NDUFA9: variants seen among roughly 807,000 people sequenced by gnomAD.
NDUFA9 encodes NADH:ubiquinone oxidoreductase subunit A9.
A neutral mutation model predicts 45.9 loss-of-function variants in NDUFA9; 23 were observed. The observed-to-expected ratio is 0.50, with a 90% confidence interval of 0.36 to 0.71. The LOEUF is 0.71. Among genes scored for constraint, NDUFA9 ranks in the 30% least tolerant of loss-of-function variants. NDUFA9 has a pLI of 0.00. For synonymous variants in NDUFA9, 176 were observed against 170.5 expected (o/e 1.03, Z -0.25); for missense variants, 466 against 488.2 (o/e 0.95, Z 0.43).
At chr12:4,658,864 A>G (rs1278254014) in intron 4 of NDUFA9, among the ~76,000 whole-genome samples, 172 bp from the exon 5 acceptor site, 1 of 152,200 alleles carries the variant, frequency 6.6e-6, no homozygotes, top group Non-Finnish European at 1.5e-5. Flanking sequence ...TGCTGGGATT[A>G]CAGGCATGAG....
In NDUFA9 at chr12:4,657,823, C is replaced by T. The variant is rs760993624; in HGVS notation, c.394C>T (p.Arg132Ter). The change falls in exon 4 of 11, where the codon CGA becomes TGA. Residue 132 changes from arginine (R) to a stop codon, truncating the protein, a stop_gained. Coordinates refer to ENST00000266544, the MANE Select transcript of NDUFA9 (RefSeq NM_005002.5). LOFTEE classifies it high-confidence loss of function. Reference sequence around the variant, plus strand: ...CAATGTGGTCATCAATCTTATTGGACGAGACTGGGAAACCAAGTAAGTCTT... The same window carrying T: ...CAATGTGGTCATCAATCTTATTGGATGAGACTGGGAAACCAAGTAAGTCTT... ...HSNVVINLIG[R>*]DWETKNFDFE... 35 of 1,612,700 alleles carry T rather than the reference C, an allele frequency of 2.2e-5. No individual in the cohort carries two copies. Among genetic ancestry groups the T allele is most frequent in the Non-Finnish European group, 2.5e-5 (30 of 1,178,864 alleles).
chr12:4,656,057 T>A (rs1291856783), intron 3 of NDUFA9: 1 of 152,042 alleles, frequency 6.6e-6, no homozygotes, highest in African/African-American at 2.4e-5. Context: ...TTTTCCCTTT[T>A]AAAAAATACT....
rs1275251768 is a variant in NDUFA9 at position 4,692,025 on chromosome 12, A to G, written c.*4917A>G. On this transcript the variant is annotated 3_prime_UTR_variant, in exon 11 of 11. Transcript: ENST00000266544. ...TGGTTCCCCTGGGTCCTTGAGAAAG[A>G]CAGTCCTGGGTTGTAAAACTGGCAA... 1 of 152,206 alleles carries G rather than the reference A, an allele frequency of 6.6e-6. No individual in the cohort carries two copies. Among genetic ancestry groups the G allele is most frequent in the Non-Finnish European group, 1.5e-5 (1 of 68,046 alleles). The allele number at this position is 152,206 out of a possible 1,614,324, so 9.4% of individuals were successfully genotyped here. A position where few individuals can be genotyped will look rare whatever the true frequency, so the allele number is the denominator to read the frequency against.
In NDUFA9 at chr12:4,659,088, C is replaced by T. The variant is rs200969607; in HGVS notation, c.463C>T (p.Leu155=). The T allele has an allele frequency of 2.8e-5, 45 of 1,612,916 alleles. No homozygotes were observed. Among genetic ancestry groups the T allele is most frequent in the Admixed American group, 1.7e-5 (1 of 59,984 alleles). Residue 155 remains leucine, a synonymous_variant, in exon 5 of 11, where the codon CTG becomes TTG. Coordinates refer to ENST00000266544, the MANE Select transcript of NDUFA9 (RefSeq NM_005002.5). The part of the protein sequence containing the change: ...FVKIPQAIAQ[L]SKEAGVEKFI... Reference sequence around the variant, plus strand: ...GAAGATTCCCCAAGCAATTGCTCAACTGTCCAAGGAAGCTGGAGTTGAAAA... The same window carrying T: ...GAAGATTCCCCAAGCAATTGCTCAATTGTCCAAGGAAGCTGGAGTTGAAAA...
intron 8 of NDUFA9, among the ~76,000 whole-genome samples, chr12:4,673,941 G>T (rs1464252892): frequency 6.6e-6 from 1 of 152,182 alleles, no homozygotes; most frequent in African/African-American, 2.4e-5. Context: ...ACCCACAAAG[G>T]GAAGCCCATC....
intron 9 of NDUFA9, chr12:4,684,972 T>C (rs1020031168): frequency 1.7e-6 from 1 of 595,736 alleles, no homozygotes; most frequent in Admixed American, 2.9e-5. Context: ...TTTTTCTGTT[T>C]GCTTTGTTGT....
intron 1 of NDUFA9, 80 bp from the exon 2 acceptor site, chr12:4,654,212 A>C: frequency 7.4e-7 from 1 of 1,358,868 alleles, no homozygotes; most frequent in Non-Finnish European, 1.0e-6. Context: ...ACAAGTTTTT[A>C]GAGAAAGGAG....
intron 6 of NDUFA9, among the ~76,000 whole-genome samples, chr12:4,663,152 C>T (rs1441656164): frequency 6.6e-6 from 1 of 152,084 alleles, no homozygotes; most frequent in Non-Finnish European, 1.5e-5. Context: ...CTTTTCATAG[C>T]TTGATAGCTC....
At chr12:4,685,215 A>G in intron 9 of NDUFA9, 44 bp from the exon 10 acceptor site, 1 of 1,518,456 alleles carries the variant, frequency 6.6e-7, no homozygotes, top group Non-Finnish European at 9.1e-7. Flanking sequence ...CATCTTGGGC[A>G]GAGAGATGCT....
rs1359111525 is a variant in NDUFA9 at position 4,659,138 on chromosome 12, T to C, written c.513T>C (p.Asn171=). 6.2e-7 allele frequency: 1 copy of C among 1,611,488 alleles called. No homozygotes were observed. Among genetic ancestry groups the C allele is most frequent in the African/African-American group, 1.3e-5 (1 of 74,872 alleles). The part of the protein sequence containing the change: ...VEKFIHVSHL[N]ANIKSSSRYL... ...AATTCATTCATGTTTCACATCTGAA[T>C]GCGAATATTAAAAGCTCTTCTAGAT... The change falls in exon 5 of 11, where the codon AAT becomes AAC. Residue 171 remains asparagine (N), a synonymous_variant. Transcript: ENST00000266544.
At chr12:4,662,729 G>A (rs1945830845) in intron 6 of NDUFA9, 94 bp downstream of exon 6, 2 of 964,194 alleles carry the variant, frequency 2.1e-6, no homozygotes, top group African/African-American at 1.7e-5. Flanking sequence ...GACAGACTAA[G>A]GATATATTTT....
chr12:4,678,003 T>G (rs1192043793), intron 8 of NDUFA9, among the ~76,000 whole-genome samples: 1 of 152,172 alleles, frequency 6.6e-6, no homozygotes, highest in Non-Finnish European at 1.5e-5. Flanking sequence ...GGGACATGGA[T>G]GAAGCTGGAA....
chr12:4,676,916 G>A (rs2137481565), intron 8 of NDUFA9, among the ~76,000 whole-genome samples: 1 of 152,324 alleles, frequency 6.6e-6, no homozygotes, highest in Non-Finnish European at 1.5e-5. Context: ...CAAGGCTACA[G>A]TAACCAAAAC....
chr12:4,682,380 A>T (rs919515683), intron 9 of NDUFA9, 80 bp downstream of exon 9: 3 of 1,015,768 alleles, frequency 3.0e-6, no homozygotes, highest in Non-Finnish European at 4.4e-6. Flanking sequence ...CCTTAGGGTT[A>T]TAGGGTGTGT....
At chr12:4,662,756 T>C in intron 6 of NDUFA9, 121 bp downstream of exon 6, 1 of 680,472 alleles carries the variant, frequency 1.5e-6, no homozygotes, top group Non-Finnish European at 2.5e-6. Context: ...CCCAGTTGCC[T>C]TTTCCTCCCC....
chr12:4,663,096 G>A (rs1244542809), intron 6 of NDUFA9, among the ~76,000 whole-genome samples: 1 of 152,046 alleles, frequency 6.6e-6, no homozygotes, highest in Non-Finnish European at 1.5e-5. Context: ...GCCTTTTTAG[G>A]TGGACTTCTT....
At chr12:4,674,302 A>C (rs1219782244) in intron 8 of NDUFA9, among the ~76,000 whole-genome samples, 2 of 152,238 alleles carry the variant, frequency 1.3e-5, no homozygotes, top group Non-Finnish European at 2.9e-5. Flanking sequence ...TGGCAGGATC[A>C]AATTCACACA....
chr12:4,677,688 C>T (rs1191874249), intron 8 of NDUFA9, among the ~76,000 whole-genome samples: 2 of 152,160 alleles, frequency 1.3e-5, no homozygotes, highest in African/African-American at 4.8e-5. Context: ...CGCTTTTCCA[C>T]TGTTGGTGGA....
chr12:4,677,010 A>G (rs1174390980), intron 8 of NDUFA9, among the ~76,000 whole-genome samples: 2 of 152,200 alleles, frequency 1.3e-5, no homozygotes, highest in Admixed American at 6.5e-5. Flanking sequence ...ATTTACAACC[A>G]TCTGATCTTT....
Sources: allele counts gnomAD v4.1 joint callset (sites outside exome capture counted in the v4.1 genomes callset), GRCh38; gene constraint gnomAD v4.1.1; transcripts MANE v1.5; gene names NCBI Gene and HGNC (gene_info 2026-07-23, HGNC 2026-07-21).